SMIM19: variants seen among roughly 807,000 people sequenced by gnomAD.
SMIM19 encodes small integral membrane protein 19.
In SMIM19, 6 loss-of-function variants were observed where a neutral mutation model predicts 13.2. The observed-to-expected ratio is 0.45, with a 90% confidence interval of 0.25 to 0.90. The LOEUF is 0.90. Among genes scored for constraint, SMIM19 ranks in the 40% least tolerant of loss-of-function variants. The pLI is 0.19. For synonymous variants in SMIM19, 46 were observed against 43.1 expected (o/e 1.07, Z -0.27); for missense variants, 138 against 131.0 (o/e 1.05, Z -0.26).
At chr8:42,548,192 T>A (rs1813550897) in intron 2 of SMIM19, among the ~76,000 whole-genome samples, 1 of 152,234 alleles carries the variant, frequency 6.6e-6, no homozygotes, top group Non-Finnish European at 1.5e-5. Context: ...CTGTTCTTAA[T>A]TTTAAAAAGA....
intron 1 of SMIM19, among the ~76,000 whole-genome samples, chr8:42,544,939 G>A (rs989050639): frequency 6.6e-6 from 1 of 152,196 alleles, no homozygotes; most frequent in Non-Finnish European, 1.5e-5. Context: ...AGACATTTTA[G>A]TGAAAGAATT....
At chr8:42,544,327 T>G (rs185579339) in intron 1 of SMIM19, among the ~76,000 whole-genome samples, 2,498 of 150,570 alleles carry the variant, frequency 0.017, 62 homozygotes, top group African/African-American at 0.057. Context: ...AGGGGAATGG[T>G]GTGAACCCGG....
intron 1 of SMIM19, 143 bp from the exon 2 acceptor site, chr8:42,546,326 A>G (rs1017479568): frequency 2.2e-6 from 2 of 904,456 alleles, no homozygotes; most frequent in Non-Finnish European, 3.0e-6. Context: ...TTAGAAATGT[A>G]AATCCCATTC....
intron 1 of SMIM19, among the ~76,000 whole-genome samples, chr8:42,545,486 C>G (rs1813447278): frequency 6.6e-6 from 1 of 152,168 alleles, no homozygotes. Context: ...CCTTGCTAGG[C>G]TGCTGTGCAA....
In SMIM19 at chr8:42,553,609, C is replaced by G. The variant is rs149318135; in HGVS notation, c.*1001C>G. The G allele has an allele frequency of 5.1e-4, 77 of 152,320 alleles. No individual in the cohort carries two copies. The highest frequency in any genetic ancestry group is 1.9e-3 in the African/African-American group (77 of 41,574). The allele number at this position is 152,320 out of a possible 1,614,324, so 9.4% of individuals were successfully genotyped here. On this transcript the variant is annotated 3_prime_UTR_variant, in exon 4 of 4. Transcript: ENST00000417410. ...TTTTTCATGTTTATTTAAATAAAAG[C>G]TGACTGGGTAATAGTGGGGAAGTTT... is the stretch of plus-strand genomic sequence containing the variant.
At chr8:42,549,479 T>C (rs1404659971) in intron 3 of SMIM19, among the ~76,000 whole-genome samples, 3 of 151,644 alleles carry the variant, frequency 2.0e-5, no homozygotes, top group Non-Finnish European at 2.9e-5. Flanking sequence ...GTACACTAAG[T>C]GAAATAAGCC....
intron 3 of SMIM19, among the ~76,000 whole-genome samples, chr8:42,550,203 T>G (rs1167016033): frequency 6.6e-6 from 1 of 152,182 alleles, no homozygotes; most frequent in African/African-American, 2.4e-5. Flanking sequence ...CTGTCAGTAA[T>G]ATGCTCAGTA....
rs1267422949 is a variant in SMIM19, at chr8:42,554,475, T to A, written c.*1867T>A. On this transcript the variant is annotated 3_prime_UTR_variant, in exon 4 of 4. Transcript: ENST00000417410. ...AACGTAAGTCACACAATGAATTTCC[T>A]TTGTGTCCACTAGATAGAGATGGTC... The A allele has an allele frequency of 6.6e-6, 1 of 152,208 alleles. No homozygotes were observed. Among genetic ancestry groups the A allele is most frequent in the East Asian group, 1.9e-4 (1 of 5,200 alleles). 9.4% of individuals were successfully genotyped at this position (152,208 alleles called of 1,614,324 possible). A position where few individuals can be genotyped will look rare whatever the true frequency, so the allele number is the denominator to read the frequency against.
rs1234810890 is a variant in SMIM19 at position 42,554,252 on chromosome 8, G to C, written c.*1644G>C. ...TCTGACTAAAGGATTGTAAACAGTTGTAATTATGGGTTGTAGTAACAGAGC... is the reference window on the plus strand; with the variant it reads ...TCTGACTAAAGGATTGTAAACAGTTCTAATTATGGGTTGTAGTAACAGAGC... On this transcript the variant is annotated 3_prime_UTR_variant, in exon 4 of 4. Coordinates refer to ENST00000417410, the MANE Select transcript of SMIM19 (RefSeq NM_001135674.2). 6.6e-6 allele frequency: 1 copy of C among 152,206 alleles called. No individual in the cohort carries two copies. The highest frequency in any genetic ancestry group is 1.5e-5 in the Non-Finnish European group (1 of 68,044). The allele number at this position is 152,206 out of a possible 1,614,324, so 9.4% of individuals were successfully genotyped here.
chr8:42,553,050 CTCTT>C lies in SMIM19; in HGVS notation c.*444_*447del, dbSNP rs1057486969. ...TAACAGATTAATTTGTTGTTAACAG[CTCTT>C]TTTTTTTTTTTTTTTTTGAGACAGA... On this transcript the variant is annotated 3_prime_UTR_variant, in exon 4 of 4. Transcript: ENST00000417410. 1.5e-5 allele frequency: 2 copies of C among 129,146 alleles called. No individual in the cohort carries two copies. The highest frequency in any genetic ancestry group is 6.4e-5 in the African/African-American group (2 of 31,082). The allele number at this position is 129,146 out of a possible 1,614,324, so 8.0% of individuals were successfully genotyped here.
At position 42,553,539 on chromosome 8, in the gene SMIM19, T is replaced by C. The variant is rs1207610642; in HGVS notation, c.*931T>C. On this transcript the variant is annotated 3_prime_UTR_variant, in exon 4 of 4. Coordinates refer to ENST00000417410, the MANE Select transcript of SMIM19 (RefSeq NM_001135674.2). ...TGCTAAGCTTTCCTAAAGAGCCTCA[T>C]ATCTTTTCCCATGCTGTACTGTACA... The C allele has an allele frequency of 1.3e-5, 2 of 152,268 alleles. No individual in the cohort carries two copies. The highest frequency in any genetic ancestry group is 4.8e-5 in the African/African-American group (2 of 41,480). 9.4% of individuals were successfully genotyped at this position (152,268 alleles called of 1,614,324 possible). A position where few individuals can be genotyped will look rare whatever the true frequency, so the allele number is the denominator to read the frequency against.
intron 3 of SMIM19, among the ~76,000 whole-genome samples, chr8:42,549,411 CAAA>C (rs559738755): frequency 7.8e-6 from 1 of 128,146 alleles, no homozygotes; most frequent in East Asian, 2.2e-4. Flanking sequence ...GACTCCGTCT[CAAA>C]AAAAAAAAAA....
In SMIM19 at chr8:42,553,098, A is replaced by C. The variant is rs1813723340; in HGVS notation, c.*490A>C. The C allele has an allele frequency of 7.2e-6, 1 of 138,204 alleles. No homozygotes were observed. The highest frequency in any genetic ancestry group is 1.5e-5 in the Non-Finnish European group (1 of 66,530). The allele number at this position is 138,204 out of a possible 1,614,324, so 8.6% of individuals were successfully genotyped here. On this transcript the variant is annotated 3_prime_UTR_variant, in exon 4 of 4. Coordinates refer to ENST00000417410, the MANE Select transcript of SMIM19 (RefSeq NM_001135674.2). ...AGACAGAGTCTGTTGCCCAGACTGG[A>C]GTGCAGTGGCACAATCTCTGCTCAC...
At chr8:42,550,147 A>G (rs1234456810) in intron 3 of SMIM19, among the ~76,000 whole-genome samples, 1 of 152,118 alleles carries the variant, frequency 6.6e-6, no homozygotes, top group Admixed American at 6.6e-5. Context: ...GAAAAATTCT[A>G]AGTAAAGAAC....
intron 2 of SMIM19, among the ~76,000 whole-genome samples, chr8:42,547,984 C>T (rs1813544616): frequency 6.6e-6 from 1 of 152,150 alleles, no homozygotes; most frequent in South Asian, 2.1e-4. Flanking sequence ...TACGTTTGGC[C>T]TGAGGAATCA....
At chr8:42,544,794 C>T (rs945921201) in intron 1 of SMIM19, among the ~76,000 whole-genome samples, 8 of 152,254 alleles carry the variant, frequency 5.3e-5, no homozygotes, top group Middle Eastern at 3.4e-3. Flanking sequence ...AGGAACAGAC[C>T]TCTCCTGAAA....
chr8:42,547,886 C>T (rs1015389326), intron 2 of SMIM19, among the ~76,000 whole-genome samples: 2 of 152,190 alleles, frequency 1.3e-5, no homozygotes, highest in African/African-American at 2.4e-5. Flanking sequence ...GATTGGGATG[C>T]TTCTGCAGAC....
At chr8:42,552,043 T>C (rs2131499600) in intron 3 of SMIM19, among the ~76,000 whole-genome samples, 1 of 152,322 alleles carries the variant, frequency 6.6e-6, no homozygotes, top group East Asian at 1.9e-4. Flanking sequence ...CATATAAAAA[T>C]GGGCATCAGC....
Position 42,554,568 on chromosome 8 carries a change from C to T in SMIM19, c.*1960C>T, listed in dbSNP as rs1223507700. ...GGCAAGTGACAGGAGATGAATTCCT[C>T]TCCGTTTTTTCCTTAAAGCAAACTG... On this transcript the variant is annotated 3_prime_UTR_variant, in exon 4 of 4. Coordinates refer to ENST00000417410, the MANE Select transcript of SMIM19 (RefSeq NM_001135674.2). 2 of 152,208 alleles carry T rather than the reference C, an allele frequency of 1.3e-5. No individual in the cohort carries two copies. Among genetic ancestry groups the T allele is most frequent in the Non-Finnish European group, 2.9e-5 (2 of 68,040 alleles). The allele number at this position is 152,208 out of a possible 1,614,324, so 9.4% of individuals were successfully genotyped here.
Sources: gnomAD v4.1 joint callset for allele counts (sites outside exome capture counted in the v4.1 genomes callset) on GRCh38, gnomAD v4.1.1 for gene constraint, MANE v1.5 for transcripts, NCBI Gene and HGNC (gene_info 2026-07-23, HGNC 2026-07-21) for gene names.